The following SLC14A2 variants were observed in gnomAD, a reference collection of about 807,000 sequenced individuals.
SLC14A2 encodes the protein solute carrier family 14 member 2.
In SLC14A2, 91 loss-of-function variants were observed where a neutral mutation model predicts 104.6. That is an observed-to-expected ratio of 0.87 (90% CI 0.73 to 1.04). SLC14A2 has a LOEUF of 1.04. Among genes scored for constraint, SLC14A2 ranks in the 50% least tolerant of loss-of-function variants. SLC14A2 has a pLI of 0.00. For missense variants in SLC14A2, 1,189 were observed against 1,156.0 expected (o/e 1.03, Z -0.41); for synonymous variants, 476 against 466.4 (o/e 1.02, Z -0.27).
At chr18:45,594,368 C>G (rs532107736) in intron 2 of SLC14A2, among the ~76,000 whole-genome samples, 1 of 152,262 alleles carries the variant, frequency 6.6e-6, no homozygotes, top group African/African-American at 2.4e-5. Flanking sequence ...GGCATGGAGT[C>G]TGGGGAAAGC....
At chr18:45,530,140 C>T (rs551021414) in intron 2 of SLC14A2, among the ~76,000 whole-genome samples, 73 of 152,286 alleles carry the variant, frequency 4.8e-4, no homozygotes, top group African/African-American at 1.7e-3. Context: ...TTCTTTCATT[C>T]ATGAAGTGTT....
At chr18:45,411,865 T>C (rs1011183620) in intron 1 of SLC14A2, among the ~76,000 whole-genome samples, 24 of 152,090 alleles carry the variant, frequency 1.6e-4, no homozygotes, top group African/African-American at 5.8e-4. Flanking sequence ...CCAGAACAGA[T>C]GTCATGGATG....
chr18:45,622,089 A>C (rs973109501), intron 1 of SLC14A2, among the ~76,000 whole-genome samples: 1 of 152,214 alleles, frequency 6.6e-6, no homozygotes, highest in African/African-American at 2.4e-5. Flanking sequence ...ATCTGAAAGC[A>C]TTGATGGGCT....
chr18:45,338,951 TC>T (rs1326752849), intron 1 of SLC14A2, among the ~76,000 whole-genome samples: 1 of 151,782 alleles, frequency 6.6e-6, no homozygotes, highest in Admixed American at 6.6e-5. Context: ...TTTTTTTTTT[TC>T]TTGAGATAGA....
intron 1 of SLC14A2, among the ~76,000 whole-genome samples, chr18:45,227,774 G>A (rs1302702426): frequency 6.6e-6 from 1 of 152,170 alleles, no homozygotes; most frequent in East Asian, 1.9e-4. Context: ...TGCAATGTAA[G>A]TACCAATCCA....
the SLC14A2 span, among the ~76,000 whole-genome samples, chr18:45,176,294 T>A: frequency 1.3e-5 from 2 of 152,314 alleles, no homozygotes; most frequent in Admixed American, 1.3e-4. Flanking sequence ...ATGAAGAAAC[T>A]GTGCACAGAA....
chr18:45,513,927 G>C (rs1180063895), intron 2 of SLC14A2, among the ~76,000 whole-genome samples: 2 of 152,100 alleles, frequency 1.3e-5, no homozygotes, highest in Non-Finnish European at 2.9e-5. Context: ...CACACAGAGT[G>C]CTCTGCCTGG....
the SLC14A2 span, among the ~76,000 whole-genome samples, chr18:45,182,775 G>A: frequency 6.6e-6 from 1 of 152,128 alleles, no homozygotes; most frequent in Admixed American, 6.5e-5. Flanking sequence ...TGAAAAGCAT[G>A]AAATATGACT....
intron 1 of SLC14A2, among the ~76,000 whole-genome samples, chr18:45,408,661 C>T (rs1252538369): frequency 6.6e-6 from 1 of 152,094 alleles, no homozygotes; most frequent in African/African-American, 2.4e-5. Flanking sequence ...GGGAAGTCTG[C>T]AATTCTTATC....
chr18:45,197,159 A>G, the SLC14A2 span, among the ~76,000 whole-genome samples: 1 of 152,220 alleles, frequency 6.6e-6, no homozygotes, highest in Non-Finnish European at 1.5e-5. Context: ...GTGCATTCCA[A>G]CTAAGTCTCT....
intron 1 of SLC14A2, among the ~76,000 whole-genome samples, chr18:45,416,724 C>A (rs7232772): frequency 2.0e-5 from 3 of 152,042 alleles, no homozygotes; most frequent in African/African-American, 7.2e-5. Flanking sequence ...ATTTAACTAC[C>A]GTATTATTTA....
At chr18:45,466,185 C>A (rs2087138605) in intron 1 of SLC14A2, among the ~76,000 whole-genome samples, 1 of 152,036 alleles carries the variant, frequency 6.6e-6, no homozygotes, top group South Asian at 2.1e-4. Context: ...CTAATTTACA[C>A]AGATTTATTC....
intron 2 of SLC14A2, among the ~76,000 whole-genome samples, chr18:45,523,493 C>CT (rs571753663): frequency 0.026 from 3,116 of 119,078 alleles, 71 homozygotes; most frequent in African/African-American, 0.065. Flanking sequence ...CCACACCCAG[C>CT]TTTTTTTTTT....
chr18:45,508,898 A>T (rs1475086513), intron 2 of SLC14A2, among the ~76,000 whole-genome samples: 1 of 152,228 alleles, frequency 6.6e-6, no homozygotes, highest in Non-Finnish European at 1.5e-5. Context: ...CAGAATTACA[A>T]ATTATCAAGA....
At chr18:45,277,058 T>A (rs112171221) in intron 1 of SLC14A2, among the ~76,000 whole-genome samples, 119 of 152,368 alleles carry the variant, frequency 7.8e-4, no homozygotes, top group African/African-American at 2.8e-3. Context: ...TAGCCTGTCA[T>A]GGGAGCCAAT....
chr18:45,361,544 A>T (rs149786796), intron 1 of SLC14A2, among the ~76,000 whole-genome samples: 145 of 152,340 alleles, frequency 9.5e-4, no homozygotes, highest in African/African-American at 3.3e-3. Flanking sequence ...TATCAAAAAC[A>T]GATGGGACAG....
At chr18:45,626,463 C>T (rs2045258545) in intron 3 of SLC14A2, among the ~76,000 whole-genome samples, 1 of 152,206 alleles carries the variant, frequency 6.6e-6, no homozygotes, top group Non-Finnish European at 1.5e-5. Context: ...GGCCCTGACT[C>T]AGTACTGATT....
Position 45,236,565 on chromosome 18 carries a change from A to G in SLC14A2, c.-125+23374A>G, listed in dbSNP as rs898002217. On this transcript the variant is annotated intron_variant, in intron 1 of 20. Transcript: ENST00000586448. ...CATGTATGTGTGTATATATGTGTAT[A>G]TATGTATATATACATATATATATGG... 3.1e-5 allele frequency among the ~76,000 whole-genome samples: 4 copies of G among 128,612 alleles called. 1 individual carries two copies. The highest frequency in any genetic ancestry group is 6.6e-5 in the Non-Finnish European group (4 of 60,892). 84.4% of individuals were successfully genotyped at this position (128,612 alleles called of 152,430 possible). A position where few individuals can be genotyped will look rare whatever the true frequency, so the allele number is the denominator to read the frequency against.
At chr18:45,362,592 G>A (rs1568167645) in intron 1 of SLC14A2, among the ~76,000 whole-genome samples, 1 of 152,164 alleles carries the variant, frequency 6.6e-6, no homozygotes. Context: ...CATTCTCTTT[G>A]GGTCTTTGCA....
Sources: gnomAD v4.1 joint callset for allele counts (sites outside exome capture counted in the v4.1 genomes callset) on GRCh38, gnomAD v4.1.1 for gene constraint, MANE v1.5 for transcripts, NCBI Gene and HGNC (gene_info 2026-07-23, HGNC 2026-07-21) for gene names.